XCR1: variants seen among roughly 807,000 people sequenced by gnomAD.
XCR1 encodes the protein X-C motif chemokine receptor 1.
For missense variants in XCR1, 356 were observed against 424.2 expected (o/e 0.84, Z 1.41); for synonymous variants, 187 against 188.5 (o/e 0.99, Z 0.06).
chr3:46,072,625 A>G (rs1376441257), intron 3 of XCR1, among the ~76,000 whole-genome samples: 1 of 152,216 alleles, frequency 6.6e-6, no homozygotes, highest in Admixed American at 6.5e-5. Flanking sequence ...AGATGACCCA[A>G]ATAAAAGGAC....
chr3:46,083,056 C>A (rs752714665), intron 1 of XCR1, among the ~76,000 whole-genome samples: 1 of 152,214 alleles, frequency 6.6e-6, no homozygotes, highest in Non-Finnish European at 1.5e-5. Context: ...CTCATCCTAA[C>A]CTGTTTGTCC....
chr3:46,052,280 T>C (rs1697761666), intron 5 of XCR1, among the ~76,000 whole-genome samples: 1 of 152,150 alleles, frequency 6.6e-6, no homozygotes, highest in Admixed American at 6.5e-5. Flanking sequence ...GGAATCAATA[T>C]GCCTCTGGGA....
At chr3:46,036,245 T>C (rs967174533) in intron 5 of XCR1, among the ~76,000 whole-genome samples, 1 of 152,182 alleles carries the variant, frequency 6.6e-6, no homozygotes, top group African/African-American at 2.4e-5. Context: ...TTTTCTGTGG[T>C]GCTGTTTGGC....
chr3:46,030,468 C>T (rs369052096), upstream of XCR1, among the ~76,000 whole-genome samples: 7 of 152,186 alleles, frequency 4.6e-5, no homozygotes, highest in Non-Finnish European at 8.8e-5. Context: ...TATTGAAGGA[C>T]ATCTTGGTTA....
At chr3:46,054,549 G>C (rs773183583) in intron 4 of XCR1, among the ~76,000 whole-genome samples, 1 of 128,272 alleles carries the variant, frequency 7.8e-6, no homozygotes, top group African/African-American at 5.2e-5. Context: ...AAAAGGACGA[G>C]GGGGGGGCGA....
chr3:46,061,698 G>A (rs568856714), intron 4 of XCR1, among the ~76,000 whole-genome samples: 11 of 152,262 alleles, frequency 7.2e-5, no homozygotes, highest in South Asian at 4.1e-4. Context: ...CTGGGGTCCT[G>A]CGAGGGGAAA....
intron 5 of XCR1, among the ~76,000 whole-genome samples, chr3:46,052,128 C>G (rs1697758890): frequency 6.6e-6 from 1 of 152,204 alleles, no homozygotes. Flanking sequence ...CGGCTTTTGC[C>G]TAAAATTAGT....
At chr3:46,085,450 G>T (rs1198306671) in intron 1 of XCR1, among the ~76,000 whole-genome samples, 1 of 152,188 alleles carries the variant, frequency 6.6e-6, no homozygotes, top group Non-Finnish European at 1.5e-5. Flanking sequence ...TTGTTCTGCA[G>T]CCTGTATTGT....
chr3:46,047,637 G>T (rs532273632), intron 5 of XCR1, among the ~76,000 whole-genome samples: 1 of 152,266 alleles, frequency 6.6e-6, no homozygotes, highest in South Asian at 2.1e-4. Context: ...ATTCCATATT[G>T]TCTCTTGAAT....
chr3:46,021,598 A>T lies in XCR1; in HGVS notation c.350T>A (p.Ile117Asn). ...MIFSISLYSSIFFLTIMTIHR... is the reference protein window; with the variant it reads ...MIFSISLYSSNFFLTIMTIHR... ...GATGGTCATGATGGTCAGGAAGAAG[A>T]TGCTGCTGTAGAGGCTGATGGAGAA... Residue 117 changes from isoleucine (I) to asparagine (N), a missense_variant, in exon 2 of 2, where the codon ATC becomes AAC. Coordinates refer to ENST00000309285, the MANE Select transcript of XCR1 (RefSeq NM_001024644.2). This position sits in a 1 kb window ranked among gnomAD's most constrained non-coding sequence, Gnocchi z 4.7. 1.2e-6 allele frequency: 2 copies of T among 1,612,830 alleles called. No homozygotes were observed. The highest frequency in any genetic ancestry group is 1.7e-6 in the Non-Finnish European group (2 of 1,179,358).
At chr3:46,056,652 ATTTAT>A (rs1435248790) in intron 4 of XCR1, among the ~76,000 whole-genome samples, 5 of 115,836 alleles carry the variant, frequency 4.3e-5, no homozygotes, top group African/African-American at 1.4e-4. Flanking sequence ...TTTTGTATTT[ATTTAT>A]TTTTTTTTTT....
At chr3:46,075,917 T>C (rs1240551441) in intron 2 of XCR1, among the ~76,000 whole-genome samples, 1 of 152,120 alleles carries the variant, frequency 6.6e-6, no homozygotes, top group Non-Finnish European at 1.5e-5. Flanking sequence ...CTGACAAGGA[T>C]GTGGAAAAAT....
chr3:46,027,367 G>GT (rs1251119081), intron 1 of XCR1, 50 bp downstream of exon 1: 1 of 152,134 alleles, frequency 6.6e-6, no homozygotes, highest in Non-Finnish European at 1.5e-5. Context: ...GATATAGGCT[G>GT]TTACAATTAG....
At chr3:46,023,585 A>G (rs544684332) in intron 1 of XCR1, 3 of 1,397,626 alleles carry the variant, frequency 2.1e-6, no homozygotes, top group East Asian at 2.3e-5. Flanking sequence ...GTAGCTGCCC[A>G]TCTTCAGGCA....
rs753353226 is a variant in XCR1, at chr3:46,021,733, T to G, written c.215A>C (p.Asn72Thr). ...GAACACCAGGTCTGAGAGGCACAGG[T>G]TGAGGATGAAGATGTTGGTGAGGGA... ...LESLTNIFIL[N>T]LCLSDLVFAC... The change falls in exon 2 of 2, where the codon AAC becomes ACC. Residue 72 changes from asparagine (N) to threonine (T), a missense_variant. Transcript: ENST00000309285. This position sits in a 1 kb window ranked among gnomAD's most constrained non-coding sequence, Gnocchi z 4.7. 1 of 1,613,508 alleles carries G rather than the reference T, an allele frequency of 6.2e-7. No homozygotes were observed. The highest frequency in any genetic ancestry group is 8.5e-7 in the Non-Finnish European group (1 of 1,179,892).
intron 1 of XCR1, among the ~76,000 whole-genome samples, chr3:46,079,571 GC>G (rs1178593767): frequency 6.6e-6 from 1 of 151,802 alleles, no homozygotes; most frequent in Non-Finnish European, 1.5e-5. Context: ...CCCCTGTCCT[GC>G]CCTTCCTTCC....
At chr3:46,028,017 G>A (rs750434363), upstream of XCR1, among the ~76,000 whole-genome samples, 3 of 152,062 alleles carry the variant, frequency 2.0e-5, no homozygotes, top group Non-Finnish European at 4.4e-5. Context: ...CTTTTTCCAA[G>A]CCTACCCATA....
Position 46,056,394 on chromosome 3 carries a change from C to T in XCR1, c.-182-2324G>A, listed in dbSNP as rs943160647. On this transcript the variant is annotated intron_variant, in intron 4 of 5. Coordinates refer to the XCR1 transcript ENST00000683768. Reference sequence around the variant, plus strand: ...TAACACAAAATTTATGACCCACATACCAATCAAGGACTTTTGGGTGACAAA... The same window carrying T: ...TAACACAAAATTTATGACCCACATATCAATCAAGGACTTTTGGGTGACAAA... Among the ~76,000 whole-genome samples the T allele has an allele frequency of 8.5e-5, 13 of 152,096 alleles. No individual in the cohort carries two copies. In the East Asian group the frequency reaches 2.3e-3, roughly 27 times the overall value.
At chr3:46,068,096 G>C (rs939669010) in intron 3 of XCR1, among the ~76,000 whole-genome samples, 3 of 152,202 alleles carry the variant, frequency 2.0e-5, no homozygotes, top group African/African-American at 4.8e-5. Flanking sequence ...GGCTTACATA[G>C]AGGGAGGCTG....
Sources: gnomAD v4.1 joint callset for allele counts (sites outside exome capture counted in the v4.1 genomes callset) on GRCh38, gnomAD v4.1.1 for gene constraint, Gnocchi (gnomAD v3.1) non-coding constraint, MANE v1.5 for transcripts, NCBI Gene and HGNC (gene_info 2026-07-23, HGNC 2026-07-21) for gene names.